The following ARMC2 variants were observed in gnomAD, a reference collection of about 807,000 sequenced individuals.
The protein encoded by ARMC2 is armadillo repeat-containing protein 2.
Under a neutral mutation model 90.3 loss-of-function variants are expected in ARMC2, and 67 were observed. That is an observed-to-expected ratio of 0.74 (90% confidence interval 0.61 to 0.91). ARMC2 has a LOEUF of 0.91. Among genes scored for constraint, ARMC2 ranks in the 40% least tolerant of loss-of-function variants. The pLI is 0.00. For missense variants in ARMC2, 920 were observed against 1,030.9 expected (o/e 0.89, Z 1.47); for synonymous variants, 393 against 393.0 (o/e 1.00, Z 0.00).
At chr6:109,038,795 C>T in the ARMC2 span, among the ~76,000 whole-genome samples, 1 of 151,882 alleles carries the variant, frequency 6.6e-6, no homozygotes, top group African/African-American at 2.4e-5. Context: ...TAGGGATCAG[C>T]TACTTCCCTA....
chr6:108,876,182 G>C lies in ARMC2; in HGVS notation c.503G>C (p.Gly168Ala). Reference protein sequence around the residue: ...TVESKETVMMGDSMVKINGIY... With the variant: ...TVESKETVMMADSMVKINGIY... ...GAATCCAAAGAAACAGTTATGATGGGGGACTCTATGGTGAAAATAAATGGG... is the reference window on the plus strand; with the variant it reads ...GAATCCAAAGAAACAGTTATGATGGCGGACTCTATGGTGAAAATAAATGGG... Residue 168 changes from glycine (G) to alanine (A), a missense_variant, in exon 5 of 18, where the codon GGG becomes GCG. By Grantham distance (60) the Gly-to-Ala change is moderately conservative. Coordinates refer to ENST00000392644, the MANE Select transcript of ARMC2 (RefSeq NM_032131.6). 1 of 1,611,804 alleles carries C rather than the reference G, an allele frequency of 6.2e-7. No individual in the cohort carries two copies. The highest frequency in any genetic ancestry group is 1.3e-5 in the African/African-American group (1 of 74,910).
At chr6:108,907,466 T>TC (rs1365436819) in intron 8 of ARMC2, 4 of 502,038 alleles carry the variant, frequency 8.0e-6, no homozygotes, top group Non-Finnish European at 1.3e-5. Flanking sequence ...TTCTTTTTTT[T>TC]TTTTTTTTTT....
the ARMC2 span, among the ~76,000 whole-genome samples, chr6:109,041,178 G>A: frequency 1.3e-5 from 2 of 151,382 alleles, no homozygotes; most frequent in African/African-American, 4.8e-5. Context: ...CAGGCATTGT[G>A]GCATGCACCT....
At position 108,881,068 on chromosome 6, in the gene ARMC2, A is replaced by C. The variant is rs144593966; in HGVS notation, c.671+4718A>C. 2.2e-3 allele frequency among the ~76,000 whole-genome samples: 329 copies of C among 151,798 alleles called. 1 individual carries two copies. Among genetic ancestry groups the C allele is most frequent in the Non-Finnish European group, 3.7e-3 (252 of 67,918 alleles). On this transcript the variant is annotated intron_variant, in intron 5 of 17. Coordinates refer to ENST00000392644, the MANE Select transcript of ARMC2 (RefSeq NM_032131.6). ...ATGGGGTTTCACCATGTTGGCCAGGATGGTCTTGATCTCCTGACCTTGTGA... is the reference window on the plus strand; with the variant it reads ...ATGGGGTTTCACCATGTTGGCCAGGCTGGTCTTGATCTCCTGACCTTGTGA...
In ARMC2 at chr6:108,928,145, A is replaced by T; in HGVS notation, c.1408A>T (p.Asn470Tyr). Residue 470 changes from asparagine (N) to tyrosine (Y), a missense_variant, in exon 11 of 18, where the codon AAC becomes TAC. Transcript: ENST00000392644. ...DSSLVRSKFL[N>Y]ISALPQLCTA... is the part of the protein sequence containing the mutation. ...ATCATTAGTAAGAAGTAAGTTCCTA[A>T]ACATCAGTGCCCTTCCCCAGCTCTG... 3 of 1,613,554 alleles carry T rather than the reference A, an allele frequency of 1.9e-6. No individual in the cohort carries two copies. The South Asian group carries it at 3.3e-5, about 18-fold the overall frequency.
chr6:108,870,392 GC>G (rs1776259606), intron 4 of ARMC2, among the ~76,000 whole-genome samples: 1 of 152,104 alleles, frequency 6.6e-6, no homozygotes, highest in African/African-American at 2.4e-5. Flanking sequence ...CCATTCTGTG[GC>G]CAGGATATGA....
At chr6:108,897,023 G>A (rs1442769747) in intron 6 of ARMC2, among the ~76,000 whole-genome samples, 1 of 152,072 alleles carries the variant, frequency 6.6e-6, no homozygotes, top group African/African-American at 2.4e-5. Context: ...TATGTTTTTT[G>A]TATTACTTGA....
chr6:109,031,247 T>C, the ARMC2 span, among the ~76,000 whole-genome samples: 1 of 152,046 alleles, frequency 6.6e-6, no homozygotes, highest in Non-Finnish European at 1.5e-5. Flanking sequence ...ATAAAGTCAG[T>C]AAAAGTGATT....
intron 17 of ARMC2, among the ~76,000 whole-genome samples, chr6:108,965,467 G>A (rs138278751): frequency 6.9e-4 from 100 of 144,272 alleles, no homozygotes; most frequent in Non-Finnish European, 1.3e-3. Context: ...AGACACTATT[G>A]TAATTGAGAA....
chr6:108,861,926 CA>C (rs886149415), intron 3 of ARMC2, among the ~76,000 whole-genome samples: 1 of 152,278 alleles, frequency 6.6e-6, no homozygotes, highest in African/African-American at 2.4e-5. Context: ...TGGTCCTTGT[CA>C]AACTGGTACA....
intron 16 of ARMC2, 103 bp downstream of exon 16, chr6:108,964,415 C>A (rs1210014328): frequency 5.2e-6 from 7 of 1,346,316 alleles, no homozygotes; most frequent in Non-Finnish European, 7.1e-6. Context: ...AAAGGTATTT[C>A]AACATTGGGA....
chr6:108,943,032 C>A (rs1776567527), intron 12 of ARMC2, among the ~76,000 whole-genome samples: 1 of 152,156 alleles, frequency 6.6e-6, no homozygotes, highest in African/African-American at 2.4e-5. Context: ...TGCTGCCGTC[C>A]ACAGAGGGGG....
At chr6:108,855,681 G>C (rs1774507678) in intron 2 of ARMC2, among the ~76,000 whole-genome samples, 1 of 152,198 alleles carries the variant, frequency 6.6e-6, no homozygotes, top group African/African-American at 2.4e-5. Context: ...CTTCCCACCA[G>C]CAATGAATGA....
intron 12 of ARMC2, among the ~76,000 whole-genome samples, chr6:108,944,447 C>T (rs920939197): frequency 1.3e-4 from 20 of 152,318 alleles, no homozygotes; most frequent in African/African-American, 4.8e-4. Flanking sequence ...GATGAGGCTT[C>T]AAGCACTGGC....
intron 12 of ARMC2, among the ~76,000 whole-genome samples, chr6:108,951,929 C>A (rs1214233702): frequency 6.6e-6 from 1 of 152,240 alleles, no homozygotes; most frequent in Non-Finnish European, 1.5e-5. Flanking sequence ...GTACACGACA[C>A]CCTGTGTGGG....
chr6:108,942,801 A>G (rs1031171987), intron 12 of ARMC2, among the ~76,000 whole-genome samples: 3 of 152,202 alleles, frequency 2.0e-5, no homozygotes, highest in Non-Finnish European at 4.4e-5. Flanking sequence ...TGAGGACTAC[A>G]TTTAGGATCA....
chr6:109,007,641 C>T, the ARMC2 span, among the ~76,000 whole-genome samples: 13 of 152,024 alleles, frequency 8.6e-5, no homozygotes, highest in Admixed American at 2.0e-4. Flanking sequence ...GGGTGCTGGC[C>T]TTTCGACATT....
chr6:108,896,411 T>C (rs548752731), intron 6 of ARMC2, among the ~76,000 whole-genome samples: 36 of 152,308 alleles, frequency 2.4e-4, no homozygotes, highest in African/African-American at 8.7e-4. Flanking sequence ...ATTATTTGTG[T>C]GTTTGTGTGT....
intron 10 of ARMC2, among the ~76,000 whole-genome samples, chr6:108,927,835 C>T (rs906328353): frequency 2.0e-5 from 3 of 152,046 alleles, no homozygotes; most frequent in African/African-American, 7.2e-5. Flanking sequence ...TTGTTTAACC[C>T]TGGGTTTGGG....
Sources: allele counts gnomAD v4.1 joint callset (sites outside exome capture counted in the v4.1 genomes callset), GRCh38; gene constraint gnomAD v4.1.1; transcripts MANE v1.5; gene names NCBI Gene and HGNC (gene_info 2026-07-23, HGNC 2026-07-21).